Variants in FRMPD4 observed in about 807,000 individuals in gnomAD.
The protein encoded by FRMPD4 is FERM and PDZ domain-containing protein 4.
FRMPD4 carries 22 observed loss-of-function variants against 94.1 expected under a neutral mutation model. The observed-to-expected ratio is 0.23, with a 90% CI of 0.17 to 0.33. FRMPD4 has a LOEUF of 0.33. Ranked by LOEUF, FRMPD4 falls within the 10% of genes least tolerant of loss-of-function variation. FRMPD4 has a pLI of 1.00. For synonymous variants in FRMPD4, 631 were observed against 548.6 expected, an observed-to-expected ratio of 1.15 and a Z score of -2.10; for missense variants, 1,111 against 1,339.9, an observed-to-expected ratio of 0.83 and a Z score of 2.67.
intron 2 of FRMPD4, among the ~76,000 whole-genome samples, chrX:12,531,939 T>C (rs1281951820): frequency 8.9e-6 from 1 of 111,955 alleles, no homozygotes. Context: ...ATAGTTCTTA[T>C]ATTTAGTCCT....
chrX:12,093,540 G>A (rs2055172090), intron 3 of FRMPD4, among the ~76,000 whole-genome samples: 1 of 104,789 alleles, frequency 9.5e-6, no homozygotes, highest in Admixed American at 1.1e-4. Context: ...ATTATTTGAT[G>A]TTAAGGATGC....
At chrX:12,645,116 T>G (rs1334085213) in intron 4 of FRMPD4, among the ~76,000 whole-genome samples, 1 of 111,065 alleles carries the variant, frequency 9.0e-6, no homozygotes, top group African/African-American at 3.3e-5. Flanking sequence ...TGTCTTATGG[T>G]ATTTTTAATA....
At chrX:11,921,484 G>T (rs898747989) in intron 3 of FRMPD4, among the ~76,000 whole-genome samples, 20 of 110,956 alleles carry the variant, frequency 1.8e-4, no homozygotes, top group Non-Finnish European at 3.0e-4. Flanking sequence ...ATGCATTTGT[G>T]GGGGGACATG....
At chrX:12,666,451 C>T (rs919770473) in intron 4 of FRMPD4, among the ~76,000 whole-genome samples, 1 of 111,553 alleles carries the variant, frequency 9.0e-6, no homozygotes, top group African/African-American at 3.3e-5. Flanking sequence ...CTACAGAACC[C>T]TCCACCCCAA....
At chrX:12,533,203 AAG>A (rs2058302430) in intron 2 of FRMPD4, among the ~76,000 whole-genome samples, 1 of 111,545 alleles carries the variant, frequency 9.0e-6, no homozygotes, top group African/African-American at 3.3e-5. Flanking sequence ...ATGGTTTTAT[AAG>A]AGGAGTTCCC....
chrX:12,598,161 C>A (rs753470503), intron 2 of FRMPD4, among the ~76,000 whole-genome samples: 1 of 111,233 alleles, frequency 9.0e-6, no homozygotes, highest in Non-Finnish European at 1.9e-5. Flanking sequence ...AGAAAAGAAG[C>A]TGAAATGAGA....
intron 2 of FRMPD4, among the ~76,000 whole-genome samples, chrX:12,559,683 G>C (rs1456895093): frequency 9.2e-6 from 1 of 108,655 alleles, no homozygotes; most frequent in East Asian, 2.8e-4. Context: ...ACTCTTATTG[G>C]AGAAAGAATC....
intron 3 of FRMPD4, among the ~76,000 whole-genome samples, chrX:11,917,720 T>C (rs1359578472): frequency 9.1e-6 from 1 of 110,048 alleles, no homozygotes; most frequent in Non-Finnish European, 1.9e-5. Context: ...ACAATAGACA[T>C]TGCAGACTCC....
intron 1 of FRMPD4, among the ~76,000 whole-genome samples, chrX:12,450,903 A>G (rs1376953737): frequency 9.5e-6 from 1 of 104,893 alleles, no homozygotes; most frequent in East Asian, 3.0e-4. Flanking sequence ...AAACAGACTG[A>G]GAGACATAAA....
intron 9 of FRMPD4, among the ~76,000 whole-genome samples, chrX:12,696,586 C>CAAAAAAAAAAAAA (rs57877846): frequency 3.0e-4 from 9 of 30,049 alleles, no homozygotes; most frequent in Admixed American, 4.3e-4. Context: ...AAAAATGAAG[C>CAAAAAAAAAAAAA]AAAAAAAAAA....
chrX:12,373,738 A>T (rs1017146945), intron 1 of FRMPD4, among the ~76,000 whole-genome samples: 4 of 112,516 alleles, frequency 3.6e-5, no homozygotes, highest in African/African-American at 1.3e-4. Context: ...TGTAAAAATG[A>T]TCCAATTAAG....
chrX:12,686,851 GGAAAA>G (rs2060029788), intron 7 of FRMPD4, among the ~76,000 whole-genome samples: 1 of 111,415 alleles, frequency 9.0e-6, no homozygotes, highest in Admixed American at 9.5e-5. Flanking sequence ...CTTTCTTCCT[GGAAAA>G]GAAAAGTACA....
chrX:12,139,911 G>A (rs2055667050), intron 1 of FRMPD4, among the ~76,000 whole-genome samples: 1 of 111,908 alleles, frequency 8.9e-6, no homozygotes. Flanking sequence ...GGACGTAGGA[G>A]GTAGACAGTT....
intron 3 of FRMPD4, among the ~76,000 whole-genome samples, chrX:12,030,433 G>A (rs1465261869): frequency 5.4e-5 from 6 of 111,589 alleles, no homozygotes; most frequent in East Asian, 2.8e-4. Flanking sequence ...GGGAGGTCCC[G>A]ATGCTGGTCA....
chrX:12,471,378 A>G (rs1279907365), intron 1 of FRMPD4, among the ~76,000 whole-genome samples: 1 of 112,291 alleles, frequency 8.9e-6, no homozygotes, highest in Admixed American at 9.5e-5. Flanking sequence ...AAGCACGAAA[A>G]ATACACTCAC....
intron 4 of FRMPD4, among the ~76,000 whole-genome samples, chrX:12,653,249 A>T (rs1386377558): frequency 2.7e-5 from 3 of 112,407 alleles, no homozygotes; most frequent in Non-Finnish European, 5.6e-5. Context: ...AACGTAAAGA[A>T]TAGAAAAAGC....
At chrX:12,316,079 A>C (rs1347162861) in intron 1 of FRMPD4, among the ~76,000 whole-genome samples, 4 of 112,250 alleles carry the variant, frequency 3.6e-5, no homozygotes, top group African/African-American at 1.3e-4. Flanking sequence ...ATAGACCTCA[A>C]ATGATACCTC....
At chrX:12,259,020 C>A (rs1184791120) in intron 1 of FRMPD4, among the ~76,000 whole-genome samples, 4 of 111,935 alleles carry the variant, frequency 3.6e-5, no homozygotes, top group Non-Finnish European at 7.5e-5. Flanking sequence ...TTAGATCTTC[C>A]ATGTTCTTTA....
intron 1 of FRMPD4, among the ~76,000 whole-genome samples, chrX:12,321,784 G>A (rs2147925182): frequency 8.9e-6 from 1 of 111,991 alleles, no homozygotes; most frequent in South Asian, 3.8e-4. Flanking sequence ...TCCAGGTGTG[G>A]TTAATGCTAT....
Sources: gnomAD v4.1 joint callset for allele counts (sites outside exome capture counted in the v4.1 genomes callset) on GRCh38, gnomAD v4.1.1 for gene constraint, MANE v1.5 for transcripts, NCBI Gene and HGNC (gene_info 2026-07-23, HGNC 2026-07-21) for gene names.